ADCY4: variants seen among roughly 807,000 people sequenced by gnomAD.
The protein encoded by ADCY4 is adenylate cyclase 4, also known as adenylate cyclase type 4.
A neutral mutation model predicts 125.5 loss-of-function variants in ADCY4; 111 were observed. That is an observed-to-expected ratio of 0.88 (90% confidence interval 0.76 to 1.04). The LOEUF (loss-of-function observed/expected upper bound fraction) is 1.04, where lower values mean the gene tolerates loss of function less well. ADCY4 is among the 50% of genes least tolerant of loss of function. The pLI is 0.00. For synonymous variants in ADCY4, 576 were observed against 586.9 expected, an observed-to-expected ratio of 0.98 and a Z score of 0.27; for missense variants, 1,256 against 1,382.9, an observed-to-expected ratio of 0.91 and a Z score of 1.46.
Position 24,334,691 on chromosome 14 carries a change from G to A in ADCY4, c.-39C>T, listed in dbSNP as rs1425756177. The A allele has an allele frequency of 1.4e-6, 2 of 1,463,486 alleles. No homozygotes were observed. Among genetic ancestry groups the A allele is most frequent in the Non-Finnish European group, 1.8e-6 (2 of 1,105,622 alleles). 90.7% of individuals were successfully genotyped at this position (1,463,486 alleles called of 1,614,324 possible). A position where few individuals can be genotyped will look rare whatever the true frequency, so the allele number is the denominator to read the frequency against. The stretch of plus-strand genomic sequence containing the variant: ...CCGAGCCCCGGGGCTGGCTAGGGCC[G>A]GGCGCCGGGTTACCTCCTTCGGCCC... On this transcript the variant is annotated 5_prime_UTR_variant, in exon 1 of 25. Coordinates refer to ENST00000418030, the MANE Select transcript of ADCY4 (RefSeq NM_001198568.2).
chr14:24,322,081 C>G lies in ADCY4; in HGVS notation c.2571G>C (p.Gln857His), dbSNP rs1336689283. The G allele has an allele frequency of 6.2e-7, 1 of 1,613,408 alleles. No homozygotes were observed. The highest frequency in any genetic ancestry group is 1.1e-5 in the South Asian group (1 of 91,034). ...PAHVAPQFIG[Q>H]NRRNEDLYHQ... ...CAGGAGTCACCTCGTTGCGCCGGTT[C>G]TGGCCAATGAACTGGGGGGCCACGT... The change falls in exon 20 of 25, where the codon CAG (glutamine) becomes CAC (histidine). Residue 857 changes from glutamine to histidine, a missense_variant. Physicochemically the swap from Gln to His is conservative, Grantham distance 24 (BLOSUM62 0). Coordinates refer to ENST00000418030, the MANE Select transcript of ADCY4 (RefSeq NM_001198568.2).
At chr14:24,321,353 G>A (rs978384031) in intron 20 of ADCY4, among the ~76,000 whole-genome samples, 4 of 151,890 alleles carry the variant, frequency 2.6e-5, no homozygotes, top group African/African-American at 7.3e-5. Flanking sequence ...CCCAGGAGGC[G>A]GAGGTTTCAG....
chr14:24,323,094 G>C lies in ADCY4; in HGVS notation c.2158-6C>G. On this transcript the variant is annotated splice_region_variant and splice_polypyrimidine_tract_variant and intron_variant, in intron 17 of 24. Coordinates refer to ENST00000418030, the MANE Select transcript of ADCY4 (RefSeq NM_001198568.2). Reference sequence around the variant, plus strand: ...GTGCAGCAGTGCATGGAGTACTGTGGGGCCAGGCAGGGGTCAGGAGTGGGC... The same window carrying C: ...GTGCAGCAGTGCATGGAGTACTGTGCGGCCAGGCAGGGGTCAGGAGTGGGC... 6.2e-7 allele frequency: 1 copy of C among 1,613,734 alleles called. No individual in the cohort carries two copies. The highest frequency in any genetic ancestry group is 8.5e-7 in the Non-Finnish European group (1 of 1,179,800).
chr14:24,323,518 G>A (rs1002481422), intron 16 of ADCY4, 64 bp from the exon 17 acceptor site: 1 of 1,540,584 alleles, frequency 6.5e-7, no homozygotes. Context: ...GGCTTGTGCT[G>A]GGTTTCAGCT....
Position 24,334,617 on chromosome 14 carries a change from G to T in ADCY4, c.36C>A (p.Ser12Arg). 6.4e-7 allele frequency: 1 copy of T among 1,558,996 alleles called. No homozygotes were observed. ...ARLFSPRPPP[S>R]EDLFYETYYS... The stretch of plus-strand genomic sequence containing the variant: ...AGTAGGTCTCGTAGAAGAGGTCTTC[G>T]CTGGGGGGCGGCCGGGGGCTGAAGA... The change falls in exon 1 of 25, where the codon AGC becomes AGA. Residue 12 changes from serine to arginine, a missense_variant. By Grantham distance (110) the Ser-to-Arg change is moderately radical. Transcript: ENST00000418030.
chr14:24,325,244 C>CA lies in ADCY4; in HGVS notation c.1823+132dup. 3 of 664,368 alleles carry CA rather than the reference C, an allele frequency of 4.5e-6. No individual in the cohort carries two copies. In the South Asian group the frequency reaches 5.2e-5, roughly 12 times the overall value. 41.2% of individuals were successfully genotyped at this position (664,368 alleles called of 1,614,324 possible). On this transcript the variant is annotated intron_variant, in intron 14 of 24. Coordinates refer to ENST00000418030, the MANE Select transcript of ADCY4 (RefSeq NM_001198568.2). The stretch of plus-strand genomic sequence containing the variant: ...GCCGTGATTATCATTTTCCCCAGAA[C>CA]ACATGTTTCCTCTGTGGGTAAGTGC...
In ADCY4 at chr14:24,322,088, A is replaced by G. The variant is rs773873042; in HGVS notation, c.2564T>C (p.Ile855Thr). ...VLPAHVAPQF[I>T]GQNRRNEDLY... is the part of the protein sequence containing the mutation. Reference sequence around the variant, plus strand: ...CACCTCGTTGCGCCGGTTCTGGCCAATGAACTGGGGGGCCACGTGTGCAGG... The same window carrying G: ...CACCTCGTTGCGCCGGTTCTGGCCAGTGAACTGGGGGGCCACGTGTGCAGG... Residue 855 changes from isoleucine (I) to threonine (T), a missense_variant, in exon 20 of 25, where the codon ATT becomes ACT. Ile to Thr is a moderately conservative substitution (Grantham distance 89, BLOSUM62 -1). Coordinates refer to ENST00000418030, the MANE Select transcript of ADCY4 (RefSeq NM_001198568.2). The G allele has an allele frequency of 6.2e-6, 10 of 1,613,616 alleles. No individual in the cohort carries two copies. In the East Asian group the frequency reaches 1.3e-4, roughly 22 times the overall value.
At chr14:24,322,500 G>A in intron 19 of ADCY4, 124 bp downstream of exon 19, 1 of 1,062,504 alleles carries the variant, frequency 9.4e-7, no homozygotes, top group South Asian at 1.6e-5. Flanking sequence ...GAGAAGAAAG[G>A]AAGCAGGAAG....
chr14:24,329,557 G>A lies in ADCY4; in HGVS notation c.1218-24C>T, dbSNP rs768056107. 55 of 1,509,094 alleles carry A rather than the reference G, an allele frequency of 3.6e-5. 3 individuals carry two copies. In the Admixed American group the frequency reaches 1.2e-3, roughly 33 times the overall value. The allele number at this position is 1,509,094 out of a possible 1,614,324, so 93.5% of individuals were successfully genotyped here. On this transcript the variant is annotated intron_variant, in intron 8 of 24. Coordinates refer to ENST00000418030, the MANE Select transcript of ADCY4 (RefSeq NM_001198568.2). ...GCCTGGAAGGAGGGAGGCAGTAGGGGTCAGCAGGGAGGGCCTTCAAATCTC... is the reference window on the plus strand; with the variant it reads ...GCCTGGAAGGAGGGAGGCAGTAGGGATCAGCAGGGAGGGCCTTCAAATCTC...
Position 24,329,906 on chromosome 14 carries a change from G to C in ADCY4, c.1171C>G (p.His391Asp), listed in dbSNP as rs2042014199. The change falls in exon 8 of 25, where the codon CAT becomes GAT. Residue 391 changes from histidine to aspartate, a missense_variant. Transcript: ENST00000418030. ...ATGTGGTTAGCCAGTGTGACATCAT[G>C]TGACCAAACGTCGTACTGCCACTTC... is the stretch of plus-strand genomic sequence containing the variant. ...LQKWQYDVWSHDVTLANHMEA... is the reference protein window; with the variant it reads ...LQKWQYDVWSDDVTLANHMEA... 1 of 1,614,154 alleles carries C rather than the reference G, an allele frequency of 6.2e-7. No individual in the cohort carries two copies.
At chr14:24,325,352 C>T (rs575588380) in intron 14 of ADCY4, 25 bp downstream of exon 14, 4 of 1,598,016 alleles carry the variant, frequency 2.5e-6, no homozygotes, top group African/African-American at 2.7e-5. Flanking sequence ...ACAGCCAGGG[C>T]CTCCTTTGCC....
intron 14 of ADCY4, among the ~76,000 whole-genome samples, chr14:24,325,079 T>G (rs540804042): frequency 6.6e-6 from 1 of 152,106 alleles, no homozygotes; most frequent in South Asian, 2.1e-4. Context: ...TCTAAGCTCA[T>G]GCATTTGCTG....
Position 24,318,706 on chromosome 14 carries a change from G to C in ADCY4, c.3029C>G (p.Thr1010Arg), listed in dbSNP as rs764077343. Reference protein sequence around the residue: ...QKPQYDIWGNTVNVASRMEST... With the variant: ...QKPQYDIWGNRVNVASRMEST... ...CTCCATGCGGCTGGCCACGTTCACT[G>C]TGTTGCCCCAAATGTCATATTGCGG... The change falls in exon 24 of 25, where the codon ACA (threonine) becomes AGA (arginine). Residue 1010 changes from threonine to arginine, a missense_variant. Physicochemically the swap from Thr to Arg is moderately conservative, Grantham distance 71. Coordinates refer to ENST00000418030, the MANE Select transcript of ADCY4 (RefSeq NM_001198568.2). The C allele has an allele frequency of 1.9e-6, 3 of 1,614,166 alleles. No homozygotes were observed. Among genetic ancestry groups the C allele is most frequent in the African/African-American group, 1.3e-5 (1 of 75,014 alleles).
chr14:24,332,372 G>C, intron 3 of ADCY4, 150 bp downstream of exon 3: 2 of 880,894 alleles, frequency 2.3e-6, no homozygotes, highest in Non-Finnish European at 3.4e-6. Context: ...GCATCACACT[G>C]TTGTACCAGC....
chr14:24,328,790 C>T (rs985947869), intron 10 of ADCY4: 5 of 446,496 alleles, frequency 1.1e-5, no homozygotes, highest in Non-Finnish European at 2.0e-5. Context: ...AGGGAGAGAC[C>T]CACCGACCCT....
chr14:24,325,235 T>C, intron 14 of ADCY4, 142 bp downstream of exon 14: 1 of 615,718 alleles, frequency 1.6e-6, no homozygotes, highest in East Asian at 2.8e-5. Flanking sequence ...ATTATCATTT[T>C]CCCCAGAACA....
intron 18 of ADCY4, 45 bp from the exon 19 acceptor site, chr14:24,322,753 C>A (rs770155529): frequency 6.3e-5 from 100 of 1,598,154 alleles, no homozygotes; most frequent in Non-Finnish European, 7.1e-5. Context: ...TTCCCCCTTC[C>A]TGGCCTTCTC....
Position 24,319,952 on chromosome 14 carries a change from C to T in ADCY4, c.2587-64G>A, listed in dbSNP as rs78214420. On this transcript the variant is annotated intron_variant, in intron 20 of 24. Coordinates refer to ENST00000418030, the MANE Select transcript of ADCY4 (RefSeq NM_001198568.2). This position sits in a 1 kb window ranked among gnomAD's most constrained non-coding sequence, Gnocchi z 4.5. ...TGTTCCTCTCCCTTCTAGAGGTCTG[C>T]GTGGGGCCCTCCTCCCCATGTCCAC... 3,848 of 1,567,664 alleles carry T rather than the reference C, an allele frequency of 2.5e-3. 112 individuals carry two copies. In the East Asian group the frequency reaches 0.071, roughly 29 times the overall value.
At chr14:24,323,764 G>T in intron 16 of ADCY4, 1 of 600,256 alleles carries the variant, frequency 1.7e-6, no homozygotes, top group Non-Finnish European at 2.1e-6. Context: ...GTGCCCACCA[G>T]GAATAGAATT....
Sources: allele counts gnomAD v4.1 joint callset (sites outside exome capture counted in the v4.1 genomes callset), GRCh38; gene constraint gnomAD v4.1.1; non-coding constraint Gnocchi (gnomAD v3.1); transcripts MANE v1.5; gene names NCBI Gene and HGNC (gene_info 2026-07-23, HGNC 2026-07-21).